Variants in SLC24A4 observed in about 807,000 individuals in gnomAD.
SLC24A4 encodes sodium/potassium/calcium exchanger 4.
In SLC24A4, 53 loss-of-function variants were observed where a neutral mutation model predicts 79.0. That is an observed-to-expected ratio of 0.67 (90% CI 0.54 to 0.84). SLC24A4 has a LOEUF of 0.84. SLC24A4 is among the 40% of genes least tolerant of loss of function. SLC24A4 has a pLI of 0.00. For synonymous variants in SLC24A4, 323 were observed against 323.8 expected (o/e 1.00, Z 0.03); for missense variants, 731 against 822.0 (o/e 0.89, Z 1.35).
chr14:92,351,550 T>TAAA (rs1886870016), intron 2 of SLC24A4, among the ~76,000 whole-genome samples: 1 of 152,212 alleles, frequency 6.6e-6, no homozygotes, highest in Admixed American at 6.5e-5. Flanking sequence ...TAAGTGTTTC[T>TAAA]TCTCTTACTT....
chr14:92,336,568 C>A (rs1161762663), intron 2 of SLC24A4, among the ~76,000 whole-genome samples: 1 of 152,204 alleles, frequency 6.6e-6, no homozygotes, highest in Non-Finnish European at 1.5e-5. Context: ...AGTAATTGCG[C>A]AAGAAATTAA....
intron 2 of SLC24A4, among the ~76,000 whole-genome samples, chr14:92,363,945 G>A (rs544164569): frequency 1.5e-3 from 226 of 152,182 alleles, no homozygotes; most frequent in African/African-American, 4.8e-3. Flanking sequence ...TCCCGGCCAC[G>A]CCGACCCACA....
rs200712859 is a variant in SLC24A4 at position 92,433,919 on chromosome 14, C to T, written c.249C>T (p.His83=). 237 of 1,613,914 alleles carry T rather than the reference C, an allele frequency of 1.5e-4. No homozygotes were observed. The highest frequency in any genetic ancestry group is 1.8e-4 in the Non-Finnish European group (218 of 1,179,894). Reference sequence around the variant, plus strand: ...TCTCTTCCTGTCTTCCAGCGATTCACGAGTTCCCCACAGATCTGTTCTCCA... The same window carrying T: ...TCTCTTCCTGTCTTCCAGCGATTCATGAGTTCCCCACAGATCTGTTCTCCA... ...TAKNCTDPAI[H]EFPTDLFSNK... Residue 83 remains histidine (H), a synonymous_variant, in exon 3 of 17, where the codon CAC becomes CAT. Coordinates refer to ENST00000532405, the MANE Select transcript of SLC24A4 (RefSeq NM_153646.4).
intron 2 of SLC24A4, among the ~76,000 whole-genome samples, chr14:92,358,503 T>C (rs913503576): frequency 6.6e-6 from 1 of 152,042 alleles, no homozygotes; most frequent in South Asian, 2.1e-4. Context: ...CATCATAATG[T>C]GGTGAACTCC....
chr14:92,492,235 C>T lies in SLC24A4; in HGVS notation c.1711C>T (p.Leu571Phe), dbSNP rs1431636927. The stretch of plus-strand genomic sequence containing the variant: ...GGTCCTGTTGCTGGGCTCTGTCGCT[C>T]TCACCGTGAGTCTTTACAATTCCAA... ...SVVLLLGSVALTVLGIHLNKW... is the reference protein window; with the variant it reads ...SVVLLLGSVAFTVLGIHLNKW... Residue 571 changes from leucine to phenylalanine, a missense_variant, in exon 16 of 17, where the codon CTC (leucine) becomes TTC (phenylalanine). Leu to Phe is a conservative substitution (Grantham distance 22). Transcript: ENST00000532405. The T allele has an allele frequency of 6.2e-7, 1 of 1,613,930 alleles. No homozygotes were observed. The highest frequency in any genetic ancestry group is 1.3e-5 in the African/African-American group (1 of 74,890).
chr14:92,469,154 A>G (rs1894295374), intron 12 of SLC24A4, among the ~76,000 whole-genome samples: 1 of 152,140 alleles, frequency 6.6e-6, no homozygotes, highest in South Asian at 2.1e-4. Context: ...GTAGACAATA[A>G]CAAGTACTGG....
intron 2 of SLC24A4, among the ~76,000 whole-genome samples, chr14:92,343,601 T>C (rs147767704): frequency 1.3e-3 from 182 of 139,584 alleles, no homozygotes; most frequent in African/African-American, 4.8e-3. Flanking sequence ...TCTTTCTTTC[T>C]TTCTTTCTTT....
At chr14:92,370,515 C>T (rs1308128092) in intron 2 of SLC24A4, among the ~76,000 whole-genome samples, 1 of 151,622 alleles carries the variant, frequency 6.6e-6, no homozygotes, top group African/African-American at 2.4e-5. Flanking sequence ...CTCACTCATT[C>T]ATTTACTCAT....
intron 2 of SLC24A4, among the ~76,000 whole-genome samples, chr14:92,387,396 C>T (rs1207458634): frequency 6.6e-6 from 1 of 152,010 alleles, no homozygotes; most frequent in Non-Finnish European, 1.5e-5. Context: ...AGGCTGACCT[C>T]GAACTCTTGG....
intron 10 of SLC24A4, among the ~76,000 whole-genome samples, chr14:92,449,706 G>A (rs560277634): frequency 3.9e-5 from 6 of 152,336 alleles, no homozygotes; most frequent in South Asian, 2.1e-4. Context: ...ACTGTTGCCC[G>A]GAGGAAGAAC....
intron 2 of SLC24A4, among the ~76,000 whole-genome samples, chr14:92,377,108 A>G (rs762564657): frequency 8.5e-5 from 13 of 152,220 alleles, no homozygotes; most frequent in Non-Finnish European, 1.6e-4. Flanking sequence ...GGTGAGACCC[A>G]GGAGGGATGA....
intron 4 of SLC24A4, among the ~76,000 whole-genome samples, chr14:92,439,936 C>T (rs895898145): frequency 2.6e-5 from 4 of 152,384 alleles, no homozygotes; most frequent in African/African-American, 9.6e-5. Context: ...CCCAGTGTAT[C>T]TCATTGCTCC....
chr14:92,442,042 G>A (rs767100411), intron 4 of SLC24A4, 47 bp from the exon 5 acceptor site: 41 of 1,475,804 alleles, frequency 2.8e-5, no homozygotes, highest in Non-Finnish European at 3.7e-5. Flanking sequence ...GTGATGTCCA[G>A]TACCCCCACG....
intron 6 of SLC24A4, 48 bp downstream of exon 6, chr14:92,442,864 G>A: frequency 6.8e-7 from 1 of 1,463,274 alleles, no homozygotes; most frequent in South Asian, 1.1e-5. Context: ...CTGAAGCGTG[G>A]GGGATGAGCC....
chr14:92,357,755 C>T (rs893748174), intron 2 of SLC24A4, among the ~76,000 whole-genome samples: 1 of 152,110 alleles, frequency 6.6e-6, no homozygotes, highest in Non-Finnish European at 1.5e-5. Context: ...AGAGTTCTGG[C>T]GCTGGACGGG....
chr14:92,445,400 TATTTGTTGGGTTCCCTGA>T, intron 8 of SLC24A4, 58 bp downstream of exon 8: 1 of 1,549,616 alleles, frequency 6.5e-7, no homozygotes, highest in Non-Finnish European at 8.9e-7. Flanking sequence ...CCAGTATCCT[TATTTGTTGGGTTCCCTGA>T]ATCGTTTTAA....
chr14:92,393,089 G>T (rs948789576), intron 2 of SLC24A4, among the ~76,000 whole-genome samples: 1 of 152,270 alleles, frequency 6.6e-6, no homozygotes, highest in Admixed American at 6.5e-5. Flanking sequence ...CACTGTGTGA[G>T]ATCACATAGG....
intron 2 of SLC24A4, among the ~76,000 whole-genome samples, chr14:92,415,822 C>T (rs1204867501): frequency 6.6e-6 from 1 of 151,846 alleles, no homozygotes; most frequent in Non-Finnish European, 1.5e-5. Context: ...TTTGGTTATG[C>T]AAGTAAGTTC....
intron 2 of SLC24A4, among the ~76,000 whole-genome samples, chr14:92,382,285 A>G (rs1046254316): frequency 2.0e-5 from 3 of 152,140 alleles, no homozygotes; most frequent in Non-Finnish European, 4.4e-5. Flanking sequence ...ACATATATAT[A>G]TGTTTCTCTG....
Sources: allele counts gnomAD v4.1 joint callset (sites outside exome capture counted in the v4.1 genomes callset), GRCh38; gene constraint gnomAD v4.1.1; transcripts MANE v1.5; gene names NCBI Gene and HGNC (gene_info 2026-07-23, HGNC 2026-07-21).